The following PCLO variants were observed in gnomAD, a reference collection of about 807,000 sequenced individuals.
PCLO encodes protein piccolo.
Under a neutral mutation model 427.5 loss-of-function variants are expected in PCLO, and 82 were observed. The observed-to-expected ratio is 0.19, with a 90% confidence interval of 0.16 to 0.23. The LOEUF (loss-of-function observed/expected upper bound fraction) is 0.23. PCLO is among the 10% of genes least tolerant of loss of function. PCLO has a pLI of 1.00. For missense variants in PCLO, 6,239 were observed against 6,115.9 expected (o/e 1.02, Z -0.67); for synonymous variants, 2,357 against 2,155.4 (o/e 1.09, Z -2.59).
intron 20 of PCLO, among the ~76,000 whole-genome samples, chr7:82,811,642 T>C (rs1254089762): frequency 6.6e-6 from 1 of 151,452 alleles, no homozygotes; most frequent in Non-Finnish European, 1.5e-5. Flanking sequence ...TTAAAAGTAA[T>C]TTAGAAGTTT....
chr7:83,075,175 C>T (rs992077592), intron 3 of PCLO, among the ~76,000 whole-genome samples: 11 of 152,098 alleles, frequency 7.2e-5, no homozygotes, highest in African/African-American at 1.4e-4. Flanking sequence ...CCTAAAAAGA[C>T]ACGTAAAAAT....
chr7:83,073,868 CA>C (rs1271734336), intron 3 of PCLO, among the ~76,000 whole-genome samples: 1 of 150,932 alleles, frequency 6.6e-6, no homozygotes, highest in African/African-American at 2.4e-5. Flanking sequence ...ATCATGCAAT[CA>C]AACTATATGT....
intron 20 of PCLO, 29 bp from the exon 21 acceptor site, chr7:82,805,858 C>A: frequency 6.3e-7 from 1 of 1,577,352 alleles, no homozygotes; most frequent in East Asian, 2.3e-5. Flanking sequence ...TTCAACACCA[C>A]AGTCAATAAA....
intron 1 of PCLO, among the ~76,000 whole-genome samples, chr7:83,159,754 TTATAA>T (rs1471115726): frequency 6.6e-6 from 1 of 151,936 alleles, no homozygotes; most frequent in Admixed American, 6.6e-5. Flanking sequence ...ACATAAAATT[TTATAA>T]TATTAGAAAT....
intron 4 of PCLO, among the ~76,000 whole-genome samples, chr7:82,964,114 A>G (rs532952844): frequency 1.7e-4 from 26 of 152,226 alleles, no homozygotes; most frequent in African/African-American, 6.0e-4. Context: ...CATTCTAACC[A>G]GTAATTAGAT....
intron 3 of PCLO, among the ~76,000 whole-genome samples, chr7:83,113,131 TC>T (rs1367295792): frequency 6.6e-6 from 1 of 152,220 alleles, no homozygotes; most frequent in Non-Finnish European, 1.5e-5. Context: ...TGTATTTACT[TC>T]CTAATCGTTA....
intron 3 of PCLO, among the ~76,000 whole-genome samples, chr7:83,049,166 T>C (rs888536521): frequency 6.6e-6 from 1 of 152,182 alleles, no homozygotes; most frequent in African/African-American, 2.4e-5. Context: ...CAGCCTGCTC[T>C]GTCAGTCTCT....
intron 4 of PCLO, among the ~76,000 whole-genome samples, chr7:82,962,126 T>C (rs778445889): frequency 6.6e-6 from 1 of 152,206 alleles, no homozygotes. Flanking sequence ...TCTGCATCTA[T>C]TATTGCTAAT....
intron 20 of PCLO, among the ~76,000 whole-genome samples, chr7:82,810,352 A>G (rs1204170808): frequency 6.6e-6 from 1 of 151,678 alleles, no homozygotes; most frequent in African/African-American, 2.4e-5. Context: ...GTTTATATAA[A>G]CATTGAGAGG....
At chr7:82,944,296 T>C (rs2116395197) in intron 6 of PCLO, among the ~76,000 whole-genome samples, 1 of 152,122 alleles carries the variant, frequency 6.6e-6, no homozygotes, top group East Asian at 1.9e-4. Context: ...AATTATTTGA[T>C]GGATAAAGAG....
chr7:82,955,145 T>C lies in PCLO; in HGVS notation c.5808A>G (p.Glu1936=). 6.2e-7 allele frequency: 1 copy of C among 1,613,840 alleles called. No individual in the cohort carries two copies. Among genetic ancestry groups the C allele is most frequent in the Non-Finnish European group, 8.5e-7 (1 of 1,179,862 alleles). The part of the protein sequence containing the change: ...HKYKAFPAAN[E]RDEVFEKEPL... Reference sequence around the variant, plus strand: ...GCTCTTTTTCAAACACTTCATCTCGTTCATTTGCAGCTGGAAAAGCTTTGT... The same window carrying C: ...GCTCTTTTTCAAACACTTCATCTCGCTCATTTGCAGCTGGAAAAGCTTTGT... The change falls in exon 5 of 25, where the codon GAA becomes GAG. Residue 1936 remains glutamate, a synonymous_variant. Coordinates refer to ENST00000333891, the MANE Select transcript of PCLO (RefSeq NM_033026.6).
chr7:82,882,979 G>A (rs1164917810), intron 9 of PCLO, among the ~76,000 whole-genome samples: 1 of 151,872 alleles, frequency 6.6e-6, no homozygotes, highest in Non-Finnish European at 1.5e-5. Flanking sequence ...ATATTATGAG[G>A]TTATAATTAG....
chr7:82,905,596 TG>T (rs1255713729), intron 8 of PCLO, among the ~76,000 whole-genome samples: 1 of 151,816 alleles, frequency 6.6e-6, no homozygotes, highest in Non-Finnish European at 1.5e-5. Context: ...TCTGGGGAAG[TG>T]GGGGTGGTAG....
At chr7:83,137,732 C>T (rs899696087) in intron 2 of PCLO, among the ~76,000 whole-genome samples, 7 of 152,082 alleles carry the variant, frequency 4.6e-5, no homozygotes, top group African/African-American at 1.7e-4. Context: ...CACGCCCGGC[C>T]ATGGATATTC....
rs765436994 is a variant in PCLO, at chr7:82,955,859, T to C, written c.5094A>G (p.Glu1698=). ...KTSLYFDEEP[E]LEMESLTDSP... ...AGTCTGTCAGGCTTTCCATTTCCAA[T>C]TCTGGCTCTTCGTCAAAATACAAAC... Residue 1698 remains glutamate, a synonymous_variant, in exon 5 of 25, where the codon GAA becomes GAG. Transcript: ENST00000333891. The C allele has an allele frequency of 6.2e-7, 1 of 1,613,942 alleles. No individual in the cohort carries two copies. The highest frequency in any genetic ancestry group is 1.7e-5 in the Admixed American group (1 of 60,030).
At chr7:83,126,410 T>A (rs1344357325) in intron 3 of PCLO, among the ~76,000 whole-genome samples, 1 of 152,158 alleles carries the variant, frequency 6.6e-6, no homozygotes, top group Non-Finnish European at 1.5e-5. Flanking sequence ...AAATGAGAAA[T>A]GCTTGAGCTG....
chr7:83,022,773 T>C (rs1165138166), intron 3 of PCLO, among the ~76,000 whole-genome samples: 2 of 152,190 alleles, frequency 1.3e-5, no homozygotes, highest in Non-Finnish European at 2.9e-5. Flanking sequence ...AGCACATTTC[T>C]TTGCCTTGTG....
At chr7:83,030,447 G>A (rs1041823598) in intron 3 of PCLO, among the ~76,000 whole-genome samples, 1 of 152,198 alleles carries the variant, frequency 6.6e-6, no homozygotes, top group South Asian at 2.1e-4. Flanking sequence ...GGTCTATGAA[G>A]TGTCTTCTAA....
rs1325754661 is a variant in PCLO, at chr7:82,952,677, G to A, written c.8276C>T (p.Thr2759Ile). Residue 2759 changes from threonine to isoleucine, a missense_variant, in exon 5 of 25, where the codon ACA becomes ATA. By Grantham distance (89) the Thr-to-Ile change is moderately conservative. Coordinates refer to ENST00000333891, the MANE Select transcript of PCLO (RefSeq NM_033026.6). ...ASTMDVKRQI[T>I]ANEVYGKQIS... ...TTGTTTCCCATAAACTTCATTTGCT[G>A]TGATCTGCCTTTTCACATCCATTGT... 6.2e-7 allele frequency: 1 copy of A among 1,613,938 alleles called. No homozygotes were observed. The highest frequency in any genetic ancestry group is 1.1e-5 in the South Asian group (1 of 91,092).
Sources: allele counts gnomAD v4.1 joint callset (sites outside exome capture counted in the v4.1 genomes callset), GRCh38; gene constraint gnomAD v4.1.1; transcripts MANE v1.5; gene names NCBI Gene and HGNC (gene_info 2026-07-23, HGNC 2026-07-21).